The following BRWD3 variants were observed in gnomAD, a reference collection of about 807,000 sequenced individuals.
The protein encoded by BRWD3 is bromodomain and WD repeat-containing protein 3.
Under a neutral mutation model 149.7 loss-of-function variants are expected in BRWD3, and 10 were observed. The ratio of observed to expected loss-of-function variants is 0.07; its 90% CI spans 0.04 to 0.11. The LOEUF is 0.11. Ranked by LOEUF, BRWD3 falls within the 10% of genes least tolerant of loss-of-function variation. The pLI is 1.00. For synonymous variants in BRWD3, 504 were observed against 456.7 expected (o/e 1.10, Z -1.32); for missense variants, 940 against 1,373.2 (o/e 0.68, Z 4.99).
At chrX:80,773,155 T>C (rs2147830871) in intron 6 of BRWD3, among the ~76,000 whole-genome samples, 1 of 112,000 alleles carries the variant, frequency 8.9e-6, no homozygotes, top group Non-Finnish European at 1.9e-5. Flanking sequence ...CTTCTTTATC[T>C]TGACTGTGTT....
intron 34 of BRWD3, among the ~76,000 whole-genome samples, chrX:80,687,738 C>G (rs1053755931): frequency 9.1e-6 from 1 of 110,231 alleles, no homozygotes; most frequent in Non-Finnish European, 1.9e-5. Flanking sequence ...CCTACATAAC[C>G]AGCCCCTAGT....
intron 8 of BRWD3, among the ~76,000 whole-genome samples, chrX:80,743,064 C>T (rs1422659880): frequency 9.0e-6 from 1 of 111,661 alleles, no homozygotes; most frequent in East Asian, 2.8e-4. Flanking sequence ...TTTTGAGATA[C>T]ATCCCATGAA....
At chrX:80,767,944 A>G (rs2073885584) in intron 6 of BRWD3, among the ~76,000 whole-genome samples, 1 of 111,977 alleles carries the variant, frequency 8.9e-6, no homozygotes, top group African/African-American at 3.2e-5. Context: ...CAGAAGCTTC[A>G]ATAGCCGATT....
chrX:80,799,606 A>G (rs1035579397), intron 4 of BRWD3, among the ~76,000 whole-genome samples: 2 of 112,114 alleles, frequency 1.8e-5, no homozygotes, highest in African/African-American at 6.5e-5. Context: ...AGGGACAGAA[A>G]ACAAAATGGA....
chrX:80,808,515 A>G, intron 4 of BRWD3, 24 bp downstream of exon 4: 1 of 1,190,323 alleles, frequency 8.4e-7, no homozygotes, highest in South Asian at 1.8e-5. Flanking sequence ...AGTTAGGTTA[A>G]GTTGAAATGA....
rs1204672405 is a variant in BRWD3, at chrX:80,672,583, T to C, written c.*4026A>G. The stretch of plus-strand genomic sequence containing the variant: ...TTGGTAAAGAAGCTTTGCTAAAAGA[T>C]GAGAAACAAAAAAGCATGAAAATAC... On this transcript the variant is annotated 3_prime_UTR_variant, in exon 41 of 41. Coordinates refer to ENST00000373275, the MANE Select transcript of BRWD3 (RefSeq NM_153252.5). 8.9e-6 allele frequency: 1 copy of C among 111,805 alleles called. No individual in the cohort carries two copies. Among genetic ancestry groups the C allele is most frequent in the East Asian group, 2.8e-4 (1 of 3,572 alleles). 9.2% of individuals were successfully genotyped at this position (111,805 alleles called of 1,213,427 possible).
intron 6 of BRWD3, among the ~76,000 whole-genome samples, chrX:80,750,558 T>TA (rs1276461943): frequency 4.5e-5 from 5 of 111,002 alleles, no homozygotes; most frequent in Non-Finnish European, 9.4e-5. Flanking sequence ...ATGGGTATTA[T>TA]AAAAAAGACA....
At chrX:80,808,704 T>C in intron 3 of BRWD3, 106 bp from the exon 4 acceptor site, 3 of 605,185 alleles carry the variant, frequency 5.0e-6, no homozygotes, top group Non-Finnish European at 7.6e-6. Context: ...CTCAACACTT[T>C]ACCGTCTTTA....
At chrX:80,793,477 T>A (rs2074205274) in intron 5 of BRWD3, 145 bp downstream of exon 5, 1 of 611,148 alleles carries the variant, frequency 1.6e-6, no homozygotes, top group East Asian at 3.6e-5. Context: ...AAAAATTTAC[T>A]TGTACACTAA....
intron 40 of BRWD3, 93 bp downstream of exon 40, chrX:80,681,248 T>C: frequency 1.1e-6 from 1 of 947,320 alleles, no homozygotes; most frequent in Non-Finnish European, 1.5e-6. Context: ...GATATACTAG[T>C]TTTTAGTATG....
At chrX:80,687,133 T>G in intron 34 of BRWD3, 130 bp from the exon 35 acceptor site, 3 of 479,615 alleles carry the variant, frequency 6.3e-6, no homozygotes, top group Non-Finnish European at 9.4e-6. Flanking sequence ...TGGCAGCTGC[T>G]ATTTTAGTTT....
intron 6 of BRWD3, among the ~76,000 whole-genome samples, chrX:80,770,649 T>C (rs753285097): frequency 3.5e-4 from 39 of 111,974 alleles, no homozygotes; most frequent in Non-Finnish European, 6.2e-4. Flanking sequence ...AATATCATAC[T>C]GAATGGGCAA....
chrX:80,769,660 C>A (rs1362651194), intron 6 of BRWD3, among the ~76,000 whole-genome samples: 1 of 110,810 alleles, frequency 9.0e-6, no homozygotes. Flanking sequence ...AAAACTGACA[C>A]CCTAACACCA....
chrX:80,685,039 T>C (rs2072502647), intron 36 of BRWD3, among the ~76,000 whole-genome samples: 1 of 111,731 alleles, frequency 9.0e-6, no homozygotes, highest in South Asian at 3.7e-4. Flanking sequence ...TATCTTATTT[T>C]CTTAAATCAT....
At chrX:80,805,916 A>G (rs1159298625) in intron 4 of BRWD3, among the ~76,000 whole-genome samples, 4 of 111,845 alleles carry the variant, frequency 3.6e-5, no homozygotes, top group Admixed American at 9.5e-5. Flanking sequence ...GCCTGGCAAT[A>G]GAGCGAGACT....
At chrX:80,733,160 T>C (rs1377337594) in intron 12 of BRWD3, 6 of 188,907 alleles carry the variant, frequency 3.2e-5, no homozygotes, top group Non-Finnish European at 5.7e-5. Flanking sequence ...AATGTTACAC[T>C]GGCAGAGATG....
At chrX:80,751,928 TG>T (rs774984085) in intron 6 of BRWD3, among the ~76,000 whole-genome samples, 2 of 110,025 alleles carry the variant, frequency 1.8e-5, no homozygotes, top group African/African-American at 6.6e-5. Context: ...GAATAGTACT[TG>T]ATTATGTATA....
At chrX:80,685,903 A>C (rs1306290046) in intron 35 of BRWD3, among the ~76,000 whole-genome samples, 1 of 111,715 alleles carries the variant, frequency 9.0e-6, no homozygotes, top group Non-Finnish European at 1.9e-5. Context: ...TGAGAAAGTT[A>C]AAATAGATTT....
chrX:80,680,540 A>G lies in BRWD3; in HGVS notation c.4654+801T>C, dbSNP rs769662496. ...AAAACCACTGACTTTGTGATATAGC[A>G]GGCCCCTAAGGAAGAGGATATCTGA... is the stretch of plus-strand genomic sequence containing the variant. On this transcript the variant is annotated intron_variant, in intron 40 of 40. Coordinates refer to ENST00000373275, the MANE Select transcript of BRWD3 (RefSeq NM_153252.5). Among the ~76,000 whole-genome samples, 8 of 111,653 alleles carry G rather than the reference A, an allele frequency of 7.2e-5. No individual in the cohort carries two copies. The South Asian group carries it at 1.9e-3, about 26-fold the overall frequency.
Sources: allele counts gnomAD v4.1 joint callset (sites outside exome capture counted in the v4.1 genomes callset), GRCh38; gene constraint gnomAD v4.1.1; transcripts MANE v1.5; gene names NCBI Gene and HGNC (gene_info 2026-07-23, HGNC 2026-07-21).